Variants in RBFOX1 observed in about 807,000 individuals in gnomAD.
RBFOX1 encodes the protein RNA binding protein fox-1 homolog 1.
In RBFOX1, 8 loss-of-function variants were observed where a neutral mutation model predicts 57.7. The observed-to-expected ratio is 0.14, with a 90% CI of 0.08 to 0.25. The LOEUF is 0.25. Ranked by LOEUF, RBFOX1 falls within the 10% of genes least tolerant of loss-of-function variation. The pLI is 1.00. For missense variants in RBFOX1, 611 were observed against 548.5 expected, an observed-to-expected ratio of 1.11 and a Z score of -1.14; for synonymous variants, 326 against 222.4, an observed-to-expected ratio of 1.47 and a Z score of -4.15.
In RBFOX1 at chr16:5,317,214, AATCTCTCG is replaced by A. The variant is rs2064265971; in HGVS notation, c.219+77112_219+77119del. Among the ~76,000 whole-genome samples the A allele has an allele frequency of 2.0e-5, 3 of 151,972 alleles. No individual in the cohort carries two copies. In the South Asian group the frequency reaches 6.2e-4, roughly 32 times the overall value. On this transcript the variant is annotated intron_variant, in intron 1 of 2. Coordinates refer to the RBFOX1 transcript ENST00000585867. The stretch of plus-strand genomic sequence containing the variant: ...CCTTTCTTCTCTCTCTCTCTCTCTC[AATCTCTCG>A]ATATATGTATGTGTATTTTCTATTG...
chr16:5,586,681 T>C (rs2046839871), intron 2 of RBFOX1, among the ~76,000 whole-genome samples: 1 of 152,096 alleles, frequency 6.6e-6, no homozygotes, highest in African/African-American at 2.4e-5. Context: ...TTTCTGCCTG[T>C]AGAGAGGGGA....
At chr16:7,318,248 G>A (rs974611655) in intron 4 of RBFOX1, among the ~76,000 whole-genome samples, 1 of 151,920 alleles carries the variant, frequency 6.6e-6, no homozygotes, top group Non-Finnish European at 1.5e-5. Flanking sequence ...TGGGATAGTG[G>A]TGATGGCAGT....
At chr16:5,944,114 A>C (rs1452224576) in intron 4 of RBFOX1, among the ~76,000 whole-genome samples, 2 of 152,212 alleles carry the variant, frequency 1.3e-5, no homozygotes, top group East Asian at 1.9e-4. Context: ...ACACATGGAC[A>C]CAGTAGTGAA....
At chr16:5,512,798 T>C (rs970947295) in intron 2 of RBFOX1, among the ~76,000 whole-genome samples, 4 of 152,206 alleles carry the variant, frequency 2.6e-5, no homozygotes, top group African/African-American at 7.2e-5. Flanking sequence ...CCACACTTTA[T>C]TAGGATTCCT....
intron 2 of RBFOX1, among the ~76,000 whole-genome samples, chr16:6,486,166 T>C (rs1239426469): frequency 1.3e-5 from 2 of 150,468 alleles, no homozygotes. Context: ...TATTGTCATA[T>C]TTTATGACAC....
intron 3 of RBFOX1, among the ~76,000 whole-genome samples, chr16:5,746,600 C>G (rs1007302673): frequency 2.0e-5 from 3 of 152,104 alleles, no homozygotes; most frequent in Admixed American, 1.3e-4. Flanking sequence ...TTGTTTGTGT[C>G]CTCTTTTATT....
chr16:6,807,730 C>A (rs1175333511), intron 3 of RBFOX1, among the ~76,000 whole-genome samples: 1 of 152,038 alleles, frequency 6.6e-6, no homozygotes, highest in Admixed American at 6.6e-5. Context: ...GCAGAAGAAT[C>A]ACTTGAATCC....
At chr16:7,627,030 T>G (rs8044322) in intron 10 of RBFOX1, among the ~76,000 whole-genome samples, 1 of 151,710 alleles carries the variant, frequency 6.6e-6, no homozygotes, top group Non-Finnish European at 1.5e-5. Flanking sequence ...AAGAGCATAG[T>G]GTAGGTAATA....
At chr16:7,078,669 CTTATTTTAT>C (rs1335467129) in intron 4 of RBFOX1, among the ~76,000 whole-genome samples, 1 of 149,312 alleles carries the variant, frequency 6.7e-6, no homozygotes, top group Non-Finnish European at 1.5e-5. Flanking sequence ...TTTATTTTAT[CTTATTTTAT>C]TTATTTTATT....
intron 4 of RBFOX1, among the ~76,000 whole-genome samples, chr16:5,893,430 T>C (rs1185564156): frequency 6.6e-6 from 1 of 152,234 alleles, no homozygotes; most frequent in Non-Finnish European, 1.5e-5. Flanking sequence ...CTGGATTGTT[T>C]GTATCACAAA....
intron 3 of RBFOX1, among the ~76,000 whole-genome samples, chr16:6,868,396 T>TTGG (rs2060297520): frequency 6.6e-6 from 1 of 152,146 alleles, no homozygotes; most frequent in Non-Finnish European, 1.5e-5. Flanking sequence ...AAGTTTTCTT[T>TTGG]TGGGTTAGTG....
chr16:6,248,878 C>T (rs2097585001), intron 1 of RBFOX1, among the ~76,000 whole-genome samples: 1 of 152,124 alleles, frequency 6.6e-6, no homozygotes, highest in African/African-American at 2.4e-5. Context: ...TACAAGAGCA[C>T]CTGGCACACG....
At chr16:6,035,133 C>G (rs2095348846) in intron 1 of RBFOX1, among the ~76,000 whole-genome samples, 1 of 152,196 alleles carries the variant, frequency 6.6e-6, no homozygotes. Context: ...CTTCACCCAT[C>G]CATGACAACC....
rs376108685 is a variant in RBFOX1 at position 7,079,018 on chromosome 16, G to C, written c.27+26920G>C. ...TCATATTGTGAGGCACTGGGAGTTA[G>C]GGTTTCAAAATATCTTTTTTGGGGG... is the stretch of plus-strand genomic sequence containing the variant. On this transcript the variant is annotated intron_variant, in intron 4 of 15. Transcript: ENST00000550418. 5.3e-5 allele frequency among the ~76,000 whole-genome samples: 8 copies of C among 151,684 alleles called. No homozygotes were observed. In the East Asian group the frequency reaches 1.4e-3, roughly 26 times the overall value.
At chr16:5,845,061 C>CTTT (rs34775077) in intron 3 of RBFOX1, among the ~76,000 whole-genome samples, 2 of 140,164 alleles carry the variant, frequency 1.4e-5, no homozygotes, top group Admixed American at 7.2e-5. Context: ...ACCCGAGATT[C>CTTT]TTTTTTTTTT....
chr16:5,578,550 G>T (rs187292275), intron 2 of RBFOX1, among the ~76,000 whole-genome samples: 30 of 152,266 alleles, frequency 2.0e-4, no homozygotes, highest in Admixed American at 6.5e-4. Flanking sequence ...AAAAACCACT[G>T]GGAGATCAGG....
At chr16:5,741,475 C>T (rs559496336) in intron 3 of RBFOX1, among the ~76,000 whole-genome samples, 2 of 152,286 alleles carry the variant, frequency 1.3e-5, no homozygotes, top group South Asian at 2.1e-4. Context: ...CTGGGAAAGA[C>T]TTTCAGGGGA....
At chr16:5,929,351 A>G (rs901431220) in intron 4 of RBFOX1, among the ~76,000 whole-genome samples, 18 of 151,296 alleles carry the variant, frequency 1.2e-4, no homozygotes, top group Non-Finnish European at 1.5e-4. Context: ...TCTGCCCACC[A>G]CCCCCAAGCA....
chr16:6,898,468 A>T (rs1365421078), intron 3 of RBFOX1, among the ~76,000 whole-genome samples: 1 of 152,200 alleles, frequency 6.6e-6, no homozygotes, highest in African/African-American at 2.4e-5. Flanking sequence ...CAATTATTTA[A>T]GTCTCATAAT....
Sources: gnomAD v4.1 joint callset for allele counts (sites outside exome capture counted in the v4.1 genomes callset) on GRCh38, gnomAD v4.1.1 for gene constraint, MANE v1.5 for transcripts, NCBI Gene and HGNC (gene_info 2026-07-23, HGNC 2026-07-21) for gene names.